SCN9A: variants seen among roughly 807,000 people sequenced by gnomAD.
The protein encoded by SCN9A is sodium voltage-gated channel alpha subunit 9.
In SCN9A, 131 loss-of-function variants were observed where a neutral mutation model predicts 187.0. That is an observed-to-expected ratio of 0.70 (90% CI 0.61 to 0.81). The LOEUF (loss-of-function observed/expected upper bound fraction) is 0.81, where lower values mean the gene tolerates loss of function less well. Ranked by LOEUF, SCN9A falls within the 30% of genes least tolerant of loss-of-function variation. SCN9A has a pLI of 0.00. For synonymous variants in SCN9A, 809 were observed against 808.6 expected (o/e 1.00, Z -0.01); for missense variants, 2,252 against 2,396.6 (o/e 0.94, Z 1.26).
chr2:166,220,743 G>A (rs921911350), intron 24 of SCN9A, among the ~76,000 whole-genome samples: 1 of 152,110 alleles, frequency 6.6e-6, no homozygotes, highest in Non-Finnish European at 1.5e-5. Context: ...AAACTTTCCT[G>A]TAAGATCAGG....
chr2:166,343,185 A>G (rs1699825503), intron 1 of SCN9A, among the ~76,000 whole-genome samples: 1 of 152,174 alleles, frequency 6.6e-6, no homozygotes, highest in Non-Finnish European at 1.5e-5. Context: ...CTTGTTTTAT[A>G]GGAAAAAAAT....
chr2:166,356,069 C>A (rs951296898), intron 1 of SCN9A, among the ~76,000 whole-genome samples: 1 of 152,130 alleles, frequency 6.6e-6, no homozygotes, highest in Non-Finnish European at 1.5e-5. Flanking sequence ...CTGCGCCTGG[C>A]CAAAATGAGG....
intron 26 of SCN9A, among the ~76,000 whole-genome samples, chr2:166,200,256 C>T (rs1260448756): frequency 6.6e-6 from 1 of 151,552 alleles, no homozygotes; most frequent in Non-Finnish European, 1.5e-5. Flanking sequence ...CTCGGCCTCC[C>T]AAAGTGCTGG....
intron 1 of SCN9A, among the ~76,000 whole-genome samples, chr2:166,364,065 T>C (rs6432910): frequency 0.065 from 9,911 of 151,516 alleles, 1,053 homozygotes; most frequent in African/African-American, 0.23. Context: ...AGTCAATCAG[T>C]ACATGGGAAG....
chr2:166,238,415 TATC>T, intron 19 of SCN9A, 148 bp from the exon 20 acceptor site: 1 of 617,040 alleles, frequency 1.6e-6, no homozygotes, highest in African/African-American at 1.9e-5. Context: ...GGTTTACAGT[TATC>T]ATATAACAGT....
At chr2:166,312,216 A>C (rs1381602510) in intron 1 of SCN9A, among the ~76,000 whole-genome samples, 1 of 152,162 alleles carries the variant, frequency 6.6e-6, no homozygotes, top group Non-Finnish European at 1.5e-5. Flanking sequence ...CTTATGTAAT[A>C]TTCTAAATCC....
intron 9 of SCN9A, among the ~76,000 whole-genome samples, chr2:166,288,947 A>C (rs1697913292): frequency 6.6e-6 from 1 of 152,102 alleles, no homozygotes; most frequent in African/African-American, 2.4e-5. Flanking sequence ...TCCTTTGCTC[A>C]CTTTCAAATT....
At chr2:166,306,425 T>A (rs540192719) in intron 4 of SCN9A, 85 bp downstream of exon 4, 22 of 799,066 alleles carry the variant, frequency 2.8e-5, no homozygotes, top group African/African-American at 1.7e-4. Context: ...CCCATCTTCA[T>A]AAATGCAGTA....
intron 22 of SCN9A, among the ~76,000 whole-genome samples, chr2:166,228,247 C>CTTTTTTT (rs33924683): frequency 3.5e-5 from 3 of 85,996 alleles, no homozygotes; most frequent in Admixed American, 1.6e-4. Flanking sequence ...AAGACCAACA[C>CTTTTTTT]TTTTTTTTTT....
chr2:166,375,168 G>C (rs188473580), intron 1 of SCN9A, among the ~76,000 whole-genome samples: 8 of 152,248 alleles, frequency 5.3e-5, no homozygotes, highest in African/African-American at 1.9e-4. Flanking sequence ...TGAGAAATAG[G>C]GGCAGAGCTG....
chr2:166,248,871 C>T (rs1695910374), intron 18 of SCN9A, among the ~76,000 whole-genome samples: 1 of 151,802 alleles, frequency 6.6e-6, no homozygotes, highest in Non-Finnish European at 1.5e-5. Context: ...GGTTTCGCTA[C>T]GTTGGCCAGG....
Position 166,198,745 on chromosome 2 carries a change from T to A in SCN9A, c.5894A>T (p.Asp1965Val). 8 of 1,613,574 alleles carry A rather than the reference T, an allele frequency of 5.0e-6. No individual in the cohort carries two copies. Among genetic ancestry groups the A allele is most frequent in the Non-Finnish European group, 6.8e-6 (8 of 1,179,664 alleles). ...TCTGTCTTGTTCATATTTCTCTTTGTCTGGCTTTGTTACACTATCATATGA... is the reference window on the plus strand; with the variant it reads ...TCTGTCTTGTTCATATTTCTCTTTGACTGGCTTTGTTACACTATCATATGA... ...PPSYDSVTKP[D>V]KEKYEQDRTE... is the part of the protein sequence containing the mutation. Residue 1965 changes from aspartate (D) to valine (V), a missense_variant, in exon 27 of 27, where the codon GAC (aspartate) becomes GTC (valine). Around this residue, in one of 7 missense-constraint regions of SCN9A, gnomAD observed 345 missense variants for 344.6 expected, o/e 1.00. Transcript: ENST00000642356.
intron 10 of SCN9A, among the ~76,000 whole-genome samples, chr2:166,287,252 C>G (rs973789338): frequency 1.3e-5 from 2 of 151,950 alleles, no homozygotes; most frequent in African/African-American, 4.8e-5. Flanking sequence ...AAAAAGTCAT[C>G]TTACCTCCCA....
intron 1 of SCN9A, among the ~76,000 whole-genome samples, chr2:166,322,138 C>G (rs1388392745): frequency 6.6e-6 from 1 of 152,110 alleles, no homozygotes; most frequent in African/African-American, 2.4e-5. Flanking sequence ...ATTTGTATTA[C>G]TTTATGAAAC....
At chr2:166,225,332 C>T (rs1694799148) in intron 24 of SCN9A, among the ~76,000 whole-genome samples, 1 of 152,146 alleles carries the variant, frequency 6.6e-6, no homozygotes, top group Admixed American at 6.6e-5. Flanking sequence ...CATTCTATAG[C>T]AGCATCTATT....
At chr2:166,362,000 A>G (rs1700297307) in intron 1 of SCN9A, among the ~76,000 whole-genome samples, 1 of 152,090 alleles carries the variant, frequency 6.6e-6, no homozygotes, top group African/African-American at 2.4e-5. Context: ...TCAATATCAA[A>G]ATAAGTGAGT....
chr2:166,303,089 CT>C lies in SCN9A; in HGVS notation c.901del (p.Lys301AsnfsTer31), dbSNP rs1559027321. 1 of 1,579,572 alleles carries C rather than the reference CT, an allele frequency of 6.3e-7. No individual in the cohort carries two copies. The highest frequency in any genetic ancestry group is 8.7e-7 in the Non-Finnish European group (1 of 1,155,166). On this transcript the variant is annotated frameshift_variant and splice_region_variant, in exon 7 of 27. Transcript: ENST00000642356. LOFTEE classifies it high-confidence loss of function. Reference protein sequence around the residue: ...NTLESEEDFRKYFYYLEGSKD... With the variant: ...NTLESEEDFRXYFYYLEGSKD... ...AATAACAAATGCAAGGACATTCTTA[CT>C]TCTAAAGTCTTCTTCACTCTCTAGG...
intron 26 of SCN9A, among the ~76,000 whole-genome samples, 189 bp from the exon 27 acceptor site, chr2:166,200,053 A>G (rs1693427812): frequency 1.8e-5 from 2 of 112,330 alleles, no homozygotes; most frequent in Admixed American, 2.2e-4. Context: ...GCTGGAGTGC[A>G]GTGGCGCGAT....
Position 166,280,593 on chromosome 2 carries a change from G to A in SCN9A, c.2107C>T (p.Leu703Phe). The stretch of plus-strand genomic sequence containing the variant: ...GGACATTTTTGTCTGGACTCTTCAA[G>A]TTCTGGGAGAAAAAAGCAGAGAACA... ...ASILTNTVEELEESRQKCPPW... is the reference protein window; with the variant it reads ...ASILTNTVEEFEESRQKCPPW... Residue 703 changes from leucine to phenylalanine, a missense_variant and splice_region_variant, in exon 14 of 27, where the codon CTT becomes TTT. Physicochemically the swap from Leu to Phe is conservative, Grantham distance 22. Around this residue, in one of 7 missense-constraint regions of SCN9A, gnomAD observed 1,013 missense variants for 997.4 expected, o/e 1.02. Transcript: ENST00000642356. 6.4e-7 allele frequency: 1 copy of A among 1,554,958 alleles called. No homozygotes were observed. Among genetic ancestry groups the A allele is most frequent in the Non-Finnish European group, 8.7e-7 (1 of 1,144,348 alleles).
Sources: gnomAD v4.1 joint callset for allele counts (sites outside exome capture counted in the v4.1 genomes callset) on GRCh38, gnomAD v4.1.1 for gene constraint, gnomAD v4.1.1 regional missense constraint, MANE v1.5 for transcripts, NCBI Gene and HGNC (gene_info 2026-07-23, HGNC 2026-07-21) for gene names.